The following GSE1 variants were observed in gnomAD, a reference collection of about 807,000 sequenced individuals.
The protein encoded by GSE1 is genetic suppressor element 1.
Under a neutral mutation model 112.6 loss-of-function variants are expected in GSE1, and 32 were observed. The observed-to-expected ratio is 0.28, with a 90% confidence interval of 0.21 to 0.38. The LOEUF is 0.38. GSE1 is among the 10% of genes least tolerant of loss of function. The probability of loss-of-function intolerance (pLI) is 1.00; values close to 1 mark genes in which losing one functional copy is unlikely to be tolerated. For synonymous variants in GSE1, 1,115 were observed against 735.6 expected (o/e 1.52, Z -8.35); for missense variants, 2,348 against 1,699.2 (o/e 1.38, Z -6.71).
At chr16:85,237,315 A>C (rs1157024599) in intron 1 of GSE1, among the ~76,000 whole-genome samples, 2 of 150,394 alleles carry the variant, frequency 1.3e-5, no homozygotes, top group Non-Finnish European at 3.0e-5. Context: ...AGAGCAAGAG[A>C]CTGTCTCAGA....
intron 2 of GSE1, among the ~76,000 whole-genome samples, chr16:85,443,232 G>A (rs983645209): frequency 4.6e-5 from 7 of 152,326 alleles, no homozygotes; most frequent in Admixed American, 2.0e-4. Context: ...TCCGTGAGGG[G>A]CTGTCCTCAG....
chr16:85,399,099 CAT>C (rs774451831), intron 2 of GSE1, among the ~76,000 whole-genome samples: 55 of 152,218 alleles, frequency 3.6e-4, no homozygotes, highest in Non-Finnish European at 6.6e-4. Flanking sequence ...GTGGTGTGTA[CAT>C]GTGTGTGTGA....
chr16:85,642,652 C>G (rs2050537265), intron 2 of GSE1, among the ~76,000 whole-genome samples: 1 of 152,254 alleles, frequency 6.6e-6, no homozygotes, highest in Non-Finnish European at 1.5e-5. Flanking sequence ...TGGCATCTCA[C>G]AAAGACGTTC....
intron 1 of GSE1, among the ~76,000 whole-genome samples, chr16:85,588,775 T>C (rs1246667958): frequency 1.3e-5 from 2 of 152,128 alleles, no homozygotes; most frequent in Non-Finnish European, 2.9e-5. Flanking sequence ...GGGGCCTTTG[T>C]CAGGGGGCCC....
chr16:85,665,716 G>A (rs752171393), intron 12 of GSE1, among the ~76,000 whole-genome samples: 5 of 152,208 alleles, frequency 3.3e-5, no homozygotes, highest in East Asian at 1.9e-4. Flanking sequence ...TGCTGCCTCC[G>A]TGGCTGGGGG....
chr16:85,284,666 G>A (rs1487756082), intron 1 of GSE1, among the ~76,000 whole-genome samples: 3 of 152,290 alleles, frequency 2.0e-5, no homozygotes, highest in Non-Finnish European at 2.9e-5. Flanking sequence ...TGGGAGAGTC[G>A]TGGTCCACAG....
intron 2 of GSE1, among the ~76,000 whole-genome samples, chr16:85,529,525 C>T (rs1447230138): frequency 6.6e-6 from 1 of 152,226 alleles, no homozygotes; most frequent in Non-Finnish European, 1.5e-5. Context: ...TCCCCCTTGG[C>T]ACCTGTTGGG....
intron 1 of GSE1, among the ~76,000 whole-genome samples, chr16:85,241,769 A>G (rs867414272): frequency 5.3e-5 from 8 of 152,086 alleles, no homozygotes; most frequent in Admixed American, 3.3e-4. Flanking sequence ...CTGGGATTCA[A>G]AGGACTTTAT....
At chr16:85,444,225 C>A (rs550093913) in intron 2 of GSE1, among the ~76,000 whole-genome samples, 3 of 152,206 alleles carry the variant, frequency 2.0e-5, no homozygotes, top group Non-Finnish European at 2.9e-5. Context: ...ACCTCGTGAC[C>A]CTCCCGCCTC....
chr16:85,635,123 C>T (rs1192726047), intron 2 of GSE1, among the ~76,000 whole-genome samples: 1 of 152,162 alleles, frequency 6.6e-6, no homozygotes, highest in African/African-American at 2.4e-5. Flanking sequence ...GGACACCTGC[C>T]CTGACCAGGG....
chr16:85,375,415 G>A (rs1035751078), intron 2 of GSE1, among the ~76,000 whole-genome samples: 21 of 152,300 alleles, frequency 1.4e-4, no homozygotes, highest in Non-Finnish European at 2.1e-4. Flanking sequence ...CAGGCCCAGG[G>A]CGCCCATTAA....
intron 1 of GSE1, among the ~76,000 whole-genome samples, chr16:85,215,063 G>A (rs918338235): frequency 1.3e-5 from 2 of 152,150 alleles, no homozygotes; most frequent in African/African-American, 4.8e-5. Flanking sequence ...TGGGGAGTAG[G>A]CCACCGTTAA....
chr16:85,421,283 C>T (rs2048839210), intron 2 of GSE1, among the ~76,000 whole-genome samples: 1 of 152,074 alleles, frequency 6.6e-6, no homozygotes, highest in South Asian at 2.1e-4. Context: ...CGGGCCCTGG[C>T]CCCAGATTGC....
chr16:85,586,021 G>C (rs1409694142), intron 1 of GSE1, among the ~76,000 whole-genome samples: 1 of 152,200 alleles, frequency 6.6e-6, no homozygotes, highest in Non-Finnish European at 1.5e-5. Context: ...TCACCCCAAG[G>C]CTGGCTCCCT....
At position 85,575,110 on chromosome 16, in the gene GSE1, C is replaced by G. The variant is rs114149160; in HGVS notation, c.37+18747C>G. The stretch of plus-strand genomic sequence containing the variant: ...AATGTGGCTGCCTATTGTCAGAAGA[C>G]AAAGTTGGATATTTATCACACCTTG... On this transcript the variant is annotated intron_variant, in intron 1 of 2. Transcript: ENST00000635906. Among the ~76,000 whole-genome samples, 1,081 of 148,236 alleles carry G rather than the reference C, an allele frequency of 7.3e-3. 17 individuals are homozygous for G. The highest frequency in any genetic ancestry group is 0.025 in the African/African-American group (1,031 of 40,524).
intron 1 of GSE1, among the ~76,000 whole-genome samples, chr16:85,598,722 T>C (rs2047340640): frequency 6.6e-6 from 1 of 152,232 alleles, no homozygotes; most frequent in African/African-American, 2.4e-5. Flanking sequence ...CCGCAACCAT[T>C]GAGTGCTGGG....
At chr16:85,188,817 A>C (rs1009500221) in intron 1 of GSE1, among the ~76,000 whole-genome samples, 3 of 149,618 alleles carry the variant, frequency 2.0e-5, no homozygotes, top group Non-Finnish European at 3.0e-5. Context: ...AAAAAAAAAA[A>C]AAACAAAACA....
At chr16:85,672,172 TG>T in intron 15 of GSE1, 1 of 517,630 alleles carries the variant, frequency 1.9e-6, no homozygotes, top group Non-Finnish European at 3.6e-6. Flanking sequence ...CTAATTTTTT[TG>T]TTTAGTAGAT....
At chr16:85,389,423 G>A (rs2047781676) in intron 2 of GSE1, among the ~76,000 whole-genome samples, 1 of 142,426 alleles carries the variant, frequency 7.0e-6, no homozygotes, top group African/African-American at 2.6e-5. Flanking sequence ...TTGCACCACT[G>A]CACTCCAGCC....
Sources: allele counts gnomAD v4.1 joint callset (sites outside exome capture counted in the v4.1 genomes callset), GRCh38; gene constraint gnomAD v4.1.1; transcripts MANE v1.5; gene names NCBI Gene and HGNC (gene_info 2026-07-23, HGNC 2026-07-21).